MIGA2: variants seen among roughly 807,000 people sequenced by gnomAD.
The protein encoded by MIGA2 is mitoguardin 2.
Under a neutral mutation model 69.9 loss-of-function variants are expected in MIGA2, and 36 were observed. That is an observed-to-expected ratio of 0.52 (90% confidence interval 0.39 to 0.68). The LOEUF is 0.68. Ranked by LOEUF, MIGA2 falls within the 30% of genes least tolerant of loss-of-function variation. The pLI is 0.00. For synonymous variants in MIGA2, 333 were observed against 349.2 expected (o/e 0.95, Z 0.52); for missense variants, 660 against 787.7 (o/e 0.84, Z 1.94).
intron 11 of MIGA2, among the ~76,000 whole-genome samples, chr9:129,067,328 C>T (rs113930335): frequency 2.6e-5 from 4 of 152,316 alleles, no homozygotes; most frequent in South Asian, 2.1e-4. Context: ...GCACTTTAAA[C>T]GCTGTTTGTT....
chr9:129,039,267 A>G (rs1303233534), intron 1 of MIGA2, among the ~76,000 whole-genome samples: 3 of 147,042 alleles, frequency 2.0e-5, no homozygotes, highest in African/African-American at 7.5e-5. Flanking sequence ...ATTTTTTGAG[A>G]TGGAGTCTCA....
chr9:129,046,258 C>T (rs1228995882), intron 3 of MIGA2, among the ~76,000 whole-genome samples: 1 of 152,156 alleles, frequency 6.6e-6, no homozygotes, highest in East Asian at 1.9e-4. Context: ...GTCATCTGCA[C>T]AGCGTTTAGC....
At chr9:129,052,270 C>T (rs1291993069) in intron 6 of MIGA2, among the ~76,000 whole-genome samples, 1 of 151,952 alleles carries the variant, frequency 6.6e-6, no homozygotes, top group Non-Finnish European at 1.5e-5. Flanking sequence ...TCAGAGGTGC[C>T]TGCCAGCACG....
At chr9:129,062,119 A>T (rs1846098440) in intron 9 of MIGA2, among the ~76,000 whole-genome samples, 1 of 148,658 alleles carries the variant, frequency 6.7e-6, no homozygotes, top group South Asian at 2.1e-4. Context: ...TCCTCACCTC[A>T]AGTGATCCAC....
At chr9:129,042,200 G>T (rs531638587) in intron 2 of MIGA2, 104 bp from the exon 3 acceptor site, 3 of 1,137,874 alleles carry the variant, frequency 2.6e-6, no homozygotes, top group Admixed American at 4.4e-5. Flanking sequence ...CAGATGTGCC[G>T]GAGAGCCGGT....
At chr9:129,044,656 G>C (rs1046375377) in intron 3 of MIGA2, among the ~76,000 whole-genome samples, 13 of 151,474 alleles carry the variant, frequency 8.6e-5, no homozygotes, top group Non-Finnish European at 1.5e-4. Context: ...GGGTTTAAGC[G>C]ATTCTCCTGC....
chr9:129,048,271 G>A (rs1489962425), intron 3 of MIGA2, among the ~76,000 whole-genome samples, 156 bp from the exon 4 acceptor site: 1 of 152,210 alleles, frequency 6.6e-6, no homozygotes, highest in African/African-American at 2.4e-5. Flanking sequence ...CTTTTCTCCT[G>A]AGTGCACGCC....
intron 6 of MIGA2, among the ~76,000 whole-genome samples, chr9:129,051,819 A>C (rs192547260): frequency 0.051 from 7,407 of 144,898 alleles, 342 homozygotes; most frequent in African/African-American, 0.13. Context: ...GGATGTAATT[A>C]ATTAATTAAT....
chr9:129,068,568 G>T lies in MIGA2; in HGVS notation c.1404+236G>T. 1 of 535,704 alleles carries T rather than the reference G, an allele frequency of 1.9e-6. No homozygotes were observed. The highest frequency in any genetic ancestry group is 3.3e-6 in the Non-Finnish European group (1 of 301,842). The allele number at this position is 535,704 out of a possible 1,614,324, so 33.2% of individuals were successfully genotyped here. A position where few individuals can be genotyped will look rare whatever the true frequency, so the allele number is the denominator to read the frequency against. The stretch of plus-strand genomic sequence containing the variant: ...GGTGTGCGCTTTCTTCCTATTGTGT[G>T]GTTTTACTTTTGTGCTGGTATGAAT... On this transcript the variant is annotated intron_variant, in intron 13 of 15. Transcript: ENST00000684074. The surrounding 1 kb of genome is among the most constrained non-coding windows in gnomAD (Gnocchi z 4.1).
intron 6 of MIGA2, 37 bp downstream of exon 6, chr9:129,050,000 T>A (rs757952217): frequency 6.3e-7 from 1 of 1,585,770 alleles, no homozygotes; most frequent in Non-Finnish European, 8.6e-7. Flanking sequence ...GCCCATGGGA[T>A]AAAGTTGGCA....
chr9:129,070,481 G>A lies in MIGA2; in HGVS notation c.*28G>A. On this transcript the variant is annotated 3_prime_UTR_variant, in exon 16 of 16. Coordinates refer to ENST00000684074, the MANE Select transcript of MIGA2 (RefSeq NM_001329990.2). ...GCGGCACGGGCTGGGGGGTGGCAGA[G>A]AGAAGGCTCCTCCTCCCTTCCCTGG... 1 of 1,498,704 alleles carries A rather than the reference G, an allele frequency of 6.7e-7. No individual in the cohort carries two copies. The allele number at this position is 1,498,704 out of a possible 1,614,324, so 92.8% of individuals were successfully genotyped here.
intron 3 of MIGA2, among the ~76,000 whole-genome samples, chr9:129,045,054 C>T (rs1433915488): frequency 3.4e-5 from 5 of 147,738 alleles, no homozygotes; most frequent in South Asian, 2.3e-4. Context: ...AAAAATTAGT[C>T]GGGTGTGGTG....
Position 129,061,176 on chromosome 9 carries a change from G to A in MIGA2, c.895-55G>A, listed in dbSNP as rs192848874. On this transcript the variant is annotated intron_variant, in intron 8 of 15. Transcript: ENST00000684074. The surrounding 1 kb of genome is among the most constrained non-coding windows in gnomAD (Gnocchi z 5.0). ...ACCAATGGGCAGGTGCCCTTGCGCCGTGGCGTGCTGCTCACATGGGCTTCC... is the reference window on the plus strand; with the variant it reads ...ACCAATGGGCAGGTGCCCTTGCGCCATGGCGTGCTGCTCACATGGGCTTCC... The A allele has an allele frequency of 2.7e-4, 408 of 1,487,132 alleles. 2 individuals carry two copies. The East Asian group carries it at 6.3e-3, about 23-fold the overall frequency. The allele number at this position is 1,487,132 out of a possible 1,614,324, so 92.1% of individuals were successfully genotyped here. A position where few individuals can be genotyped will look rare whatever the true frequency, so the allele number is the denominator to read the frequency against.
At position 129,060,570 on chromosome 9, in the gene MIGA2, C is replaced by T. The variant is rs1296390826; in HGVS notation, c.814C>T (p.Leu272=). 1 of 1,602,696 alleles carries T rather than the reference C, an allele frequency of 6.2e-7. No homozygotes were observed. The change falls in exon 8 of 16, where the codon CTG becomes TTG. Residue 272 remains leucine, a synonymous_variant. Coordinates refer to ENST00000684074, the MANE Select transcript of MIGA2 (RefSeq NM_001329990.2). This position sits in a 1 kb window ranked among gnomAD's most constrained non-coding sequence, Gnocchi z 4.8. The part of the protein sequence containing the change: ...LDLERTLMLP[L]TEGSLRLRAD... ...CCCAGAGAGGACCCTCATGCTGCCCCTGACCGAGGGCTCGCTGCGGCTGCG... is the reference window on the plus strand; with the variant it reads ...CCCAGAGAGGACCCTCATGCTGCCCTTGACCGAGGGCTCGCTGCGGCTGCG...
intron 6 of MIGA2, among the ~76,000 whole-genome samples, chr9:129,058,920 C>T (rs1845926587): frequency 6.6e-6 from 1 of 152,122 alleles, no homozygotes; most frequent in African/African-American, 2.4e-5. Flanking sequence ...TTTTTGGTGC[C>T]GTGTTTGAAA....
At chr9:129,066,821 C>A (rs545625850) in intron 11 of MIGA2, among the ~76,000 whole-genome samples, 7 of 150,994 alleles carry the variant, frequency 4.6e-5, no homozygotes, top group Non-Finnish European at 8.8e-5. Context: ...ATTAGCCGGG[C>A]GTGGTGGCGG....
intron 3 of MIGA2, among the ~76,000 whole-genome samples, chr9:129,042,770 G>C (rs1006592551): frequency 1.3e-5 from 2 of 152,172 alleles, no homozygotes; most frequent in African/African-American, 2.4e-5. Context: ...CCCTTTGGGA[G>C]CACCTTGGTC....
intron 6 of MIGA2, among the ~76,000 whole-genome samples, chr9:129,055,514 G>C (rs1845749362): frequency 6.6e-6 from 1 of 151,932 alleles, no homozygotes; most frequent in Admixed American, 6.6e-5. Context: ...TTTTCAAATT[G>C]TCATAAATTT....
intron 3 of MIGA2, 40 bp downstream of exon 3, chr9:129,042,554 A>G: frequency 1.3e-6 from 2 of 1,530,278 alleles, no homozygotes; most frequent in East Asian, 2.4e-5. Flanking sequence ...ACCTGAGGTC[A>G]CATCCTGGGG....
Sources: gnomAD v4.1 joint callset for allele counts (sites outside exome capture counted in the v4.1 genomes callset) on GRCh38, gnomAD v4.1.1 for gene constraint, Gnocchi (gnomAD v3.1) non-coding constraint, MANE v1.5 for transcripts, NCBI Gene and HGNC (gene_info 2026-07-23, HGNC 2026-07-21) for gene names.